TRAPPC3L: variants seen among roughly 807,000 people sequenced by gnomAD.
TRAPPC3L encodes trafficking protein particle complex subunit 3-like protein.
Under a neutral mutation model 23.7 loss-of-function variants are expected in TRAPPC3L, and 23 were observed. The ratio of observed to expected loss-of-function variants is 0.97; its 90% confidence interval spans 0.70 to 1.37. The LOEUF (loss-of-function observed/expected upper bound fraction) is 1.37. Among genes scored for constraint, TRAPPC3L ranks in the 40% most tolerant of loss-of-function variants. The probability of loss-of-function intolerance (pLI) is 0.00; values close to 1 mark genes in which losing one functional copy is unlikely to be tolerated. For missense variants in TRAPPC3L, 212 were observed against 216.8 expected (o/e 0.98, Z 0.14); for synonymous variants, 81 against 77.9 (o/e 1.04, Z -0.21).
chr6:116,496,920 G>T lies in TRAPPC3L; in HGVS notation c.*34C>A. On this transcript the variant is annotated 3_prime_UTR_variant, in exon 5 of 5. Coordinates refer to ENST00000368602, the MANE Select transcript of TRAPPC3L (RefSeq NM_001139444.3). ...TACATGTTTAGCTAACATTAACTCA[G>T]CTAGCCGCCCCGTGGCATTTTCCGT... is the stretch of plus-strand genomic sequence containing the variant. The T allele has an allele frequency of 6.5e-7, 1 of 1,529,416 alleles. No homozygotes were observed. Among genetic ancestry groups the T allele is most frequent in the South Asian group, 1.3e-5 (1 of 79,722 alleles). The allele number at this position is 1,529,416 out of a possible 1,614,324, so 94.7% of individuals were successfully genotyped here. A position where few individuals can be genotyped will look rare whatever the true frequency, so the allele number is the denominator to read the frequency against.
intron 2 of TRAPPC3L, 94 bp from the exon 3 acceptor site, chr6:116,540,556 G>T: frequency 7.9e-7 from 1 of 1,273,764 alleles, no homozygotes; most frequent in Non-Finnish European, 1.1e-6. Flanking sequence ...TAGCACTTGT[G>T]CAAGTGAATC....
chr6:116,496,968 T>A lies in TRAPPC3L; in HGVS notation c.532A>T (p.Arg178Ter). The A allele has an allele frequency of 1.3e-6, 2 of 1,545,048 alleles. No individual in the cohort carries two copies. The highest frequency in any genetic ancestry group is 1.7e-6 in the Non-Finnish European group (2 of 1,145,448). ...CGTGCTAGTCTTCATTTTTTCCCTC[T>A]ATATTTTTTCTCGTCTCGCTTTTTT... Reference protein sequence around the residue: ...FLKKRDEKKYRGKK With the variant: ...FLKKRDEKKY Residue 178 changes from arginine to a stop codon, truncating the protein, a stop_gained, in exon 5 of 5, where the codon AGA becomes TGA. Coordinates refer to ENST00000368602, the MANE Select transcript of TRAPPC3L (RefSeq NM_001139444.3). LOFTEE classifies it high-confidence loss of function.
intron 3 of TRAPPC3L, among the ~76,000 whole-genome samples, chr6:116,537,337 G>C (rs1773162890): frequency 6.6e-6 from 1 of 152,142 alleles, no homozygotes; most frequent in Non-Finnish European, 1.5e-5. Context: ...TTTTCTAATA[G>C]GGGAGAATCA....
intron 3 of TRAPPC3L, chr6:116,521,454 A>G (rs952861785): frequency 1.2e-4 from 19 of 152,010 alleles, no homozygotes; most frequent in African/African-American, 4.6e-4. Context: ...TAAGGAGAAT[A>G]TTGGTGACCC....
chr6:116,515,581 A>T (rs1188800613), intron 3 of TRAPPC3L: 1 of 1,592,204 alleles, frequency 6.3e-7, no homozygotes, highest in African/African-American at 1.4e-5. Context: ...TGTGTACTCA[A>T]TATTTCTTTC....
At chr6:116,533,173 C>T (rs1028287529) in intron 3 of TRAPPC3L, among the ~76,000 whole-genome samples, 1 of 152,148 alleles carries the variant, frequency 6.6e-6, no homozygotes, top group Non-Finnish European at 1.5e-5. Flanking sequence ...GCCACAGTGT[C>T]ATTTAACAGC....
chr6:116,538,649 T>C (rs1032136367), intron 3 of TRAPPC3L, among the ~76,000 whole-genome samples: 17 of 152,190 alleles, frequency 1.1e-4, no homozygotes, highest in Non-Finnish European at 2.5e-4. Flanking sequence ...CAGGTTTTAT[T>C]TTCCACATTA....
At chr6:116,540,780 G>T (rs1773400913) in intron 2 of TRAPPC3L, among the ~76,000 whole-genome samples, 1 of 152,034 alleles carries the variant, frequency 6.6e-6, no homozygotes, top group South Asian at 2.1e-4. Flanking sequence ...TTTCTCAGTG[G>T]CAGCTAATTT....
At chr6:116,515,240 C>G (rs1408319217) in intron 3 of TRAPPC3L, among the ~76,000 whole-genome samples, 1 of 152,058 alleles carries the variant, frequency 6.6e-6, no homozygotes, top group Non-Finnish European at 1.5e-5. Context: ...CTCAAATGAC[C>G]ACATTTACTT....
intron 3 of TRAPPC3L, among the ~76,000 whole-genome samples, chr6:116,525,396 T>C (rs1171850744): frequency 6.6e-6 from 1 of 152,192 alleles, no homozygotes; most frequent in Non-Finnish European, 1.5e-5. Flanking sequence ...TCCTACTGTA[T>C]CAATGAAGTA....
At chr6:116,519,218 G>A (rs557105230) in intron 3 of TRAPPC3L, 1 of 152,282 alleles carries the variant, frequency 6.6e-6, no homozygotes, top group Non-Finnish European at 1.5e-5. Context: ...TTATTAAAAG[G>A]AAATCCTCTT....
intron 1 of TRAPPC3L, chr6:116,544,003 T>C (rs1773618356): frequency 1.3e-6 from 1 of 776,826 alleles, no homozygotes. Flanking sequence ...TAGGTTTGGC[T>C]TAGGGTTTTT....
At chr6:116,536,986 A>C (rs1204962623) in intron 3 of TRAPPC3L, among the ~76,000 whole-genome samples, 2 of 152,214 alleles carry the variant, frequency 1.3e-5, no homozygotes, top group Non-Finnish European at 2.9e-5. Context: ...CAGGTCCATA[A>C]CTAAAGTCTG....
chr6:116,519,473 T>G lies in TRAPPC3L; in HGVS notation c.241-18807A>C, dbSNP rs187590270. ...CCAAGGGTGATCCTCCAGAGGAGGT[T>G]ACACTGCCGAACTGGGACATTGGCA... On this transcript the variant is annotated intron_variant, in intron 3 of 4. Coordinates refer to ENST00000368602, the MANE Select transcript of TRAPPC3L (RefSeq NM_001139444.3). The G allele has an allele frequency of 4.6e-5, 7 of 152,306 alleles. No homozygotes were observed. In the East Asian group the frequency reaches 1.4e-3, roughly 29 times the overall value. 9.4% of individuals were successfully genotyped at this position (152,306 alleles called of 1,614,324 possible). A position where few individuals can be genotyped will look rare whatever the true frequency, so the allele number is the denominator to read the frequency against.
chr6:116,544,913 G>C (rs747292256), intron 1 of TRAPPC3L, among the ~76,000 whole-genome samples: 1 of 151,792 alleles, frequency 6.6e-6, no homozygotes, highest in Non-Finnish European at 1.5e-5. Flanking sequence ...CTATAAGAGA[G>C]TATTAAAGAA....
At chr6:116,500,381 C>T in intron 4 of TRAPPC3L, 100 bp downstream of exon 4, 1 of 1,117,250 alleles carries the variant, frequency 9.0e-7, no homozygotes, top group East Asian at 2.6e-5. Context: ...ATTAGATAAC[C>T]AATATACCCA....
At chr6:116,519,900 G>A (rs758472849) in intron 3 of TRAPPC3L, 1 of 151,828 alleles carries the variant, frequency 6.6e-6, no homozygotes, top group Non-Finnish European at 1.5e-5. Context: ...ACTTAATTCA[G>A]CTTTAGGATA....
At chr6:116,516,098 A>G in intron 3 of TRAPPC3L, 4 of 1,405,002 alleles carry the variant, frequency 2.8e-6, no homozygotes, top group Non-Finnish European at 2.8e-6. Flanking sequence ...CATTTGGAGT[A>G]TGTTTACAAG....
chr6:116,525,097 C>T (rs1473882315), intron 3 of TRAPPC3L, among the ~76,000 whole-genome samples: 1 of 152,200 alleles, frequency 6.6e-6, no homozygotes, highest in East Asian at 1.9e-4. Context: ...AATTCTGCCT[C>T]ATTTTAGTAT....
Sources: allele counts gnomAD v4.1 joint callset (sites outside exome capture counted in the v4.1 genomes callset), GRCh38; gene constraint gnomAD v4.1.1; transcripts MANE v1.5; gene names NCBI Gene and HGNC (gene_info 2026-07-23, HGNC 2026-07-21).